The following CPNE4 variants were observed in gnomAD, a reference collection of about 807,000 sequenced individuals.
The protein encoded by CPNE4 is copine-4.
Under a neutral mutation model 67.9 loss-of-function variants are expected in CPNE4, and 25 were observed. The ratio of observed to expected loss-of-function variants is 0.37; its 90% CI spans 0.27 to 0.51. CPNE4 has a LOEUF of 0.51. CPNE4 is among the 20% of genes least tolerant of loss of function. CPNE4 has a pLI of 0.93. For synonymous variants in CPNE4, 242 were observed against 244.9 expected (o/e 0.99, Z 0.11); for missense variants, 464 against 690.8 (o/e 0.67, Z 3.68).
intron 2 of CPNE4, among the ~76,000 whole-genome samples, chr3:131,838,889 T>A (rs1156769704): frequency 6.6e-6 from 1 of 151,870 alleles, no homozygotes; most frequent in Non-Finnish European, 1.5e-5. Flanking sequence ...TTACAATGAC[T>A]TAAAATATAA....
At chr3:131,626,457 A>G (rs2079076333) in intron 7 of CPNE4, among the ~76,000 whole-genome samples, 1 of 152,220 alleles carries the variant, frequency 6.6e-6, no homozygotes, top group Admixed American at 6.5e-5. Context: ...AAATCAAACC[A>G]GTCACAACAT....
intron 1 of CPNE4, among the ~76,000 whole-genome samples, chr3:132,030,445 C>T (rs979257594): frequency 6.6e-6 from 1 of 152,224 alleles, no homozygotes; most frequent in African/African-American, 2.4e-5. Context: ...GTAAATATTG[C>T]ACTGTTGAAA....
At chr3:132,002,013 T>C (rs1460593460) in intron 1 of CPNE4, among the ~76,000 whole-genome samples, 1 of 152,126 alleles carries the variant, frequency 6.6e-6, no homozygotes, top group Non-Finnish European at 1.5e-5. Flanking sequence ...CCAGGTTATG[T>C]TGTTCCCAGT....
chr3:131,965,079 TAAAG>T (rs2072304675), intron 1 of CPNE4, among the ~76,000 whole-genome samples: 2 of 152,158 alleles, frequency 1.3e-5, no homozygotes, highest in Admixed American at 1.3e-4. Context: ...TCAACATTCT[TAAAG>T]AAAAGAATTT....
chr3:131,905,586 C>G, intron 1 of CPNE4, 142 bp from the exon 2 acceptor site: 1 of 713,858 alleles, frequency 1.4e-6, no homozygotes, highest in Middle Eastern at 4.0e-4. Flanking sequence ...ACTTTCCAAC[C>G]CAGTGACACA....
In CPNE4 at chr3:131,997,807, T is replaced by C. The variant is rs376259978; in HGVS notation, c.-2+36760A>G. On this transcript the variant is annotated intron_variant, in intron 1 of 15. Transcript: ENST00000429747. Reference sequence around the variant, plus strand: ...CGGCCAGATTTGGCAGGTACTTGAATGCCAGGCTGCAGTGTTAACATGATC... The same window carrying C: ...CGGCCAGATTTGGCAGGTACTTGAACGCCAGGCTGCAGTGTTAACATGATC... Among the ~76,000 whole-genome samples, 12 of 152,252 alleles carry C rather than the reference T, an allele frequency of 7.9e-5. No homozygotes were observed. The East Asian group carries it at 1.4e-3, about 17-fold the overall frequency.
chr3:131,656,443 G>A (rs1451273755), intron 7 of CPNE4, among the ~76,000 whole-genome samples: 1 of 152,078 alleles, frequency 6.6e-6, no homozygotes, highest in Non-Finnish European at 1.5e-5. Flanking sequence ...ATTTTTCTAG[G>A]GGTCTTTAAA....
chr3:131,914,407 T>A (rs1350293319), intron 1 of CPNE4, among the ~76,000 whole-genome samples: 2 of 152,096 alleles, frequency 1.3e-5, no homozygotes, highest in African/African-American at 4.8e-5. Context: ...TCCCTCCCCC[T>A]CTCTGTCTCC....
chr3:131,872,179 TGC>T (rs1301604078), intron 2 of CPNE4, among the ~76,000 whole-genome samples: 12 of 149,542 alleles, frequency 8.0e-5, no homozygotes, highest in Non-Finnish European at 1.5e-4. Flanking sequence ...TGCATGTGTG[TGC>T]GTGTGTGTGT....
At chr3:131,953,350 C>T (rs868006206) in intron 1 of CPNE4, among the ~76,000 whole-genome samples, 2 of 149,906 alleles carry the variant, frequency 1.3e-5, no homozygotes, top group South Asian at 2.1e-4. Context: ...ATTTTAGCTG[C>T]GGATTTGTCA....
chr3:131,975,205 A>G (rs2072614719), intron 1 of CPNE4, among the ~76,000 whole-genome samples: 1 of 152,164 alleles, frequency 6.6e-6, no homozygotes, highest in Non-Finnish European at 1.5e-5. Flanking sequence ...TGGGGCTTTT[A>G]AATGTCCCTT....
intron 1 of CPNE4, among the ~76,000 whole-genome samples, chr3:131,933,929 C>T (rs2071143638): frequency 7.7e-6 from 1 of 129,840 alleles, no homozygotes; most frequent in African/African-American, 3.2e-5. Context: ...TACAAAATTA[C>T]AGTTAGTGAG....
chr3:131,919,511 A>T (rs1489655605), intron 1 of CPNE4, among the ~76,000 whole-genome samples: 1 of 152,202 alleles, frequency 6.6e-6, no homozygotes, highest in East Asian at 1.9e-4. Context: ...CAAATGATAA[A>T]GGCAGAACAA....
chr3:131,540,908 C>T (rs770098070), intron 15 of CPNE4, among the ~76,000 whole-genome samples: 1 of 152,106 alleles, frequency 6.6e-6, no homozygotes, highest in Admixed American at 6.5e-5. Flanking sequence ...AGAGGGGACT[C>T]GGTAGCATGG....
chr3:132,000,886 A>T (rs1402093851), intron 1 of CPNE4, among the ~76,000 whole-genome samples: 1 of 151,674 alleles, frequency 6.6e-6, no homozygotes, highest in Non-Finnish European at 1.5e-5. Context: ...ATAATACATT[A>T]TATCTCCCTT....
At chr3:131,959,292 G>T (rs61793600) in intron 1 of CPNE4, among the ~76,000 whole-genome samples, 68,533 of 99,458 alleles carry the variant, frequency 0.69, 24,838 homozygotes, top group Admixed American at 0.78. Flanking sequence ...GAGCCACCGC[G>T]CCCGGCCGAT....
intron 2 of CPNE4, among the ~76,000 whole-genome samples, chr3:131,763,760 G>A (rs1357592477): frequency 1.3e-5 from 2 of 152,044 alleles, no homozygotes; most frequent in African/African-American, 2.4e-5. Context: ...TATAACAAAA[G>A]CCTTAACACT....
intron 7 of CPNE4, among the ~76,000 whole-genome samples, chr3:131,595,148 C>T (rs1015021564): frequency 2.6e-5 from 4 of 152,152 alleles, no homozygotes; most frequent in African/African-American, 9.7e-5. Flanking sequence ...CTATGGAAAA[C>T]AATATGGAGG....
intron 7 of CPNE4, among the ~76,000 whole-genome samples, chr3:131,642,926 G>A (rs1370575818): frequency 6.6e-6 from 1 of 152,200 alleles, no homozygotes; most frequent in Non-Finnish European, 1.5e-5. Flanking sequence ...GTACTACAGA[G>A]AGTGGGGTTC....
Sources: allele counts gnomAD v4.1 joint callset (sites outside exome capture counted in the v4.1 genomes callset), GRCh38; gene constraint gnomAD v4.1.1; transcripts MANE v1.5; gene names NCBI Gene and HGNC (gene_info 2026-07-23, HGNC 2026-07-21).